The following NIPBL variants were observed in gnomAD, a reference collection of about 807,000 sequenced individuals.
NIPBL encodes NIPBL cohesin loading factor, also known as nipped-B-like protein.
In NIPBL, 19 loss-of-function variants were observed where a neutral mutation model predicts 321.8. That is an observed-to-expected ratio of 0.06 (90% CI 0.04 to 0.09). NIPBL has a LOEUF of 0.09. Ranked by LOEUF, NIPBL falls within the 10% of genes least tolerant of loss-of-function variation. The pLI, the probability that NIPBL is intolerant of heterozygous loss-of-function variation, is 1.00. For missense variants in NIPBL, 2,210 were observed against 3,327.0 expected, an observed-to-expected ratio of 0.66 and a Z score of 8.26; for synonymous variants, 1,106 against 1,114.1, an observed-to-expected ratio of 0.99 and a Z score of 0.14.
intron 38 of NIPBL, 116 bp from the exon 39 acceptor site, chr5:37,048,386 T>G (rs960019526): frequency 3.7e-6 from 2 of 543,796 alleles, no homozygotes. Flanking sequence ...TCCAGTCATT[T>G]TAAGTTTTAA....
rs368156223 is a variant in NIPBL, at chr5:37,006,308, A to T, written c.3856-49A>T. The T allele has an allele frequency of 1.0e-5, 10 of 990,844 alleles. No individual in the cohort carries two copies. In the African/African-American group the frequency reaches 1.6e-4, roughly 16 times the overall value. 61.4% of individuals were successfully genotyped at this position (990,844 alleles called of 1,614,324 possible). ...AATCATAATTTTAATGTATATTTTA[A>T]ACCTATAAATGTGTTTATTTCCATT... On this transcript the variant is annotated intron_variant, in intron 16 of 46. Transcript: ENST00000282516.
chr5:36,938,304 T>A (rs1402265582), intron 1 of NIPBL, among the ~76,000 whole-genome samples: 1 of 151,850 alleles, frequency 6.6e-6, no homozygotes. Context: ...TTGTCACCTC[T>A]TAAATGGTTC....
chr5:37,017,517 T>G (rs958065760), intron 24 of NIPBL, among the ~76,000 whole-genome samples: 1 of 152,000 alleles, frequency 6.6e-6, no homozygotes, highest in Non-Finnish European at 1.5e-5. Context: ...GAATGTTTTG[T>G]ATCTTCTCAT....
At chr5:37,002,284 C>T (rs931875099) in intron 14 of NIPBL, among the ~76,000 whole-genome samples, 8 of 152,148 alleles carry the variant, frequency 5.3e-5, no homozygotes, top group African/African-American at 1.4e-4. Flanking sequence ...AATACTTTGA[C>T]CTTACACTCC....
At chr5:36,930,088 G>T (rs1749667704) in intron 1 of NIPBL, among the ~76,000 whole-genome samples, 1 of 151,664 alleles carries the variant, frequency 6.6e-6, no homozygotes, top group Admixed American at 6.6e-5. Flanking sequence ...ATAAAGTTAG[G>T]ATCAGCTTAT....
At chr5:36,893,963 A>G (rs1477446993) in intron 1 of NIPBL, among the ~76,000 whole-genome samples, 1 of 152,190 alleles carries the variant, frequency 6.6e-6, no homozygotes, top group Non-Finnish European at 1.5e-5. Context: ...GAACTGACCT[A>G]TCTGTTCCTA....
intron 9 of NIPBL, among the ~76,000 whole-genome samples, chr5:36,978,135 C>CT (rs1743716201): frequency 6.6e-6 from 1 of 151,980 alleles, no homozygotes; most frequent in African/African-American, 2.4e-5. Context: ...AGTGGGATTA[C>CT]TAGGTCAAAT....
chr5:36,940,133 T>C (rs1255346012), intron 1 of NIPBL, among the ~76,000 whole-genome samples: 3 of 152,188 alleles, frequency 2.0e-5, no homozygotes, highest in Non-Finnish European at 4.4e-5. Context: ...TGAGAAACTA[T>C]TGTTCTTTCC....
Position 36,970,910 on chromosome 5 carries a change from G to T in NIPBL, c.645G>T (p.Leu215Phe). ...CAAGTCCCATTGTTGCAGGTGGTTT[G>T]AGAAACATACATGATAATAAAGTTT... ...SVSSPIVAGG[L>F]RNIHDNKVSG... The change falls in exon 7 of 47, where the codon TTG (leucine) becomes TTT (phenylalanine). Residue 215 changes from leucine to phenylalanine, a missense_variant. Leu to Phe is a conservative substitution (Grantham distance 22). This residue lies in a region of NIPBL where 464 missense variants were observed against 529.5 expected (regional missense o/e 0.88). Transcript: ENST00000282516. 1 of 1,613,762 alleles carries T rather than the reference G, an allele frequency of 6.2e-7. No individual in the cohort carries two copies. The highest frequency in any genetic ancestry group is 8.5e-7 in the Non-Finnish European group (1 of 1,179,786).
intron 1 of NIPBL, among the ~76,000 whole-genome samples, chr5:36,942,881 G>A (rs1416952502): frequency 1.3e-5 from 2 of 151,922 alleles, no homozygotes; most frequent in African/African-American, 4.8e-5. Context: ...ACAGCGCAAG[G>A]GAAACATGGT....
chr5:36,942,447 A>G (rs112698121), intron 1 of NIPBL, among the ~76,000 whole-genome samples: 3 of 145,452 alleles, frequency 2.1e-5, no homozygotes, highest in Non-Finnish European at 4.5e-5. Context: ...AAAAAAAAAA[A>G]AAAAAAAAAA....
intron 1 of NIPBL, among the ~76,000 whole-genome samples, chr5:36,902,882 A>T (rs1189516031): frequency 2.6e-5 from 4 of 151,830 alleles, no homozygotes; most frequent in Non-Finnish European, 5.9e-5. Flanking sequence ...AACAATATTG[A>T]TTCTTTCTAT....
intron 1 of NIPBL, among the ~76,000 whole-genome samples, chr5:36,893,450 T>G (rs1323661609): frequency 3.3e-5 from 5 of 152,108 alleles, no homozygotes; most frequent in Non-Finnish European, 5.9e-5. Flanking sequence ...CTTCATTTTG[T>G]TTTTTGGCTT....
intron 32 of NIPBL, among the ~76,000 whole-genome samples, chr5:37,034,509 T>C (rs1460637147): frequency 1.3e-5 from 2 of 152,132 alleles, no homozygotes; most frequent in South Asian, 2.1e-4. Context: ...AATTAAGGTA[T>C]AGGCACACAG....
intron 2 of NIPBL, among the ~76,000 whole-genome samples, chr5:36,954,553 G>A (rs1024228892): frequency 6.6e-6 from 1 of 152,126 alleles, no homozygotes; most frequent in Admixed American, 6.5e-5. Context: ...TCACTTTGTT[G>A]TAGGTAAGGC....
At chr5:36,886,925 A>T (rs577318405) in intron 1 of NIPBL, among the ~76,000 whole-genome samples, 1 of 152,044 alleles carries the variant, frequency 6.6e-6, no homozygotes, top group Non-Finnish European at 1.5e-5. Context: ...TTCATGTTCT[A>T]TGTATCAGTA....
At chr5:37,033,730 ATTTTTT>A (rs58081432) in intron 32 of NIPBL, among the ~76,000 whole-genome samples, 8 of 21,498 alleles carry the variant, frequency 3.7e-4, no homozygotes, top group African/African-American at 1.6e-3. Flanking sequence ...ATATATATAT[ATTTTTT>A]TTTTTTTTTT....
At chr5:36,933,619 A>AT (rs1226281735) in intron 1 of NIPBL, among the ~76,000 whole-genome samples, 1 of 152,026 alleles carries the variant, frequency 6.6e-6, no homozygotes, top group African/African-American at 2.4e-5. Context: ...TGATCATTTA[A>AT]TTTTTTAATT....
intron 1 of NIPBL, among the ~76,000 whole-genome samples, chr5:36,929,974 A>C: frequency 6.6e-6 from 1 of 152,018 alleles, no homozygotes; most frequent in East Asian, 1.9e-4. Context: ...CACAATCTTG[A>C]TTACTGTAGC....
Sources: gnomAD v4.1 joint callset for allele counts (sites outside exome capture counted in the v4.1 genomes callset) on GRCh38, gnomAD v4.1.1 for gene constraint, gnomAD v4.1.1 regional missense constraint, MANE v1.5 for transcripts, NCBI Gene and HGNC (gene_info 2026-07-23, HGNC 2026-07-21) for gene names.